GIMAP7: variants seen among roughly 807,000 people sequenced by gnomAD.
GIMAP7 encodes the protein GTPase, IMAP family member 7, also known as GTPase IMAP family member 7.
For missense variants in GIMAP7, 323 were observed against 359.7 expected (o/e 0.90, Z 0.83); for synonymous variants, 137 against 129.3 (o/e 1.06, Z -0.40).
chr7:150,518,309 G>T (rs1342559177), intron 1 of GIMAP7, among the ~76,000 whole-genome samples: 3 of 152,240 alleles, frequency 2.0e-5, no homozygotes, highest in African/African-American at 7.2e-5. Flanking sequence ...CACTAGTCAT[G>T]CAAGAAATTA....
rs145339506 is a variant in GIMAP7, at chr7:150,519,994, G to C, written c.20G>C (p.Arg7Pro). MAESED[R>P]SLRIVLVGKT... is the part of the protein sequence containing the mutation. ...GTGAGCATGGCTGAGAGTGAGGACC[G>C]CTCCCTGAGGATCGTTCTGGTAGGG... The change falls in exon 2 of 2, where the codon CGC (arginine) becomes CCC (proline). Residue 7 changes from arginine (R) to proline (P), a missense_variant. Transcript: ENST00000313543. 3.7e-6 allele frequency: 6 copies of C among 1,613,840 alleles called. No individual in the cohort carries two copies. In the African/African-American group the frequency reaches 8.0e-5, roughly 22 times the overall value.
chr7:150,519,980 T>C lies in GIMAP7; in HGVS notation c.6T>C (p.Ala2=), dbSNP rs752588717. The part of the protein sequence containing the change: M[A]ESEDRSLRIV... ...TAGAGCCTCCTGACGTGAGCATGGC[T>C]GAGAGTGAGGACCGCTCCCTGAGGA... The change falls in exon 2 of 2, where the codon GCT becomes GCC. Residue 2 remains alanine (A), a synonymous_variant. Transcript: ENST00000313543. The C allele has an allele frequency of 6.2e-7, 1 of 1,613,824 alleles. No individual in the cohort carries two copies. Among genetic ancestry groups the C allele is most frequent in the Non-Finnish European group, 8.5e-7 (1 of 1,179,766 alleles).
At chr7:150,516,748 T>C (rs1209203820) in intron 1 of GIMAP7, among the ~76,000 whole-genome samples, 1 of 152,238 alleles carries the variant, frequency 6.6e-6, no homozygotes, top group Non-Finnish European at 1.5e-5. Context: ...CTGGGCAGTA[T>C]TCATACTGCT....
In GIMAP7 at chr7:150,521,003, G is replaced by T; in HGVS notation, c.*126G>T. Reference sequence around the variant, plus strand: ...ATAAAATATGTTTAATGTATATAATGTGATTTTTAAATATATATATATATA... The same window carrying T: ...ATAAAATATGTTTAATGTATATAATTTGATTTTTAAATATATATATATATA... On this transcript the variant is annotated 3_prime_UTR_variant, in exon 2 of 2. Transcript: ENST00000313543. The T allele has an allele frequency of 3.4e-6, 1 of 295,092 alleles. No individual in the cohort carries two copies. Among genetic ancestry groups the T allele is most frequent in the Non-Finnish European group, 5.4e-6 (1 of 184,674 alleles). 18.3% of individuals were successfully genotyped at this position (295,092 alleles called of 1,614,324 possible).
Position 150,521,062 on chromosome 7 carries a change from T to G in GIMAP7, c.*185T>G, listed in dbSNP as rs1795186365. On this transcript the variant is annotated 3_prime_UTR_variant, in exon 2 of 2. Coordinates refer to ENST00000313543, the MANE Select transcript of GIMAP7 (RefSeq NM_153236.4). Reference sequence around the variant, plus strand: ...TTGTGAAATAATGAAATAAAGGTAATTAACACATCTAGCACCTCTCGGTTA... The same window carrying G: ...TTGTGAAATAATGAAATAAAGGTAAGTAACACATCTAGCACCTCTCGGTTA... 4.7e-6 allele frequency: 1 copy of G among 214,768 alleles called. No homozygotes were observed. Among genetic ancestry groups the G allele is most frequent in the Non-Finnish European group, 8.6e-6 (1 of 115,726 alleles). 13.3% of individuals were successfully genotyped at this position (214,768 alleles called of 1,614,324 possible).
chr7:150,515,809 G>C (rs1331700221), intron 1 of GIMAP7, among the ~76,000 whole-genome samples: 1 of 152,140 alleles, frequency 6.6e-6, no homozygotes, highest in Non-Finnish European at 1.5e-5. Context: ...ATATGAGAGA[G>C]ATGGAAAAGT....
intron 1 of GIMAP7, among the ~76,000 whole-genome samples, chr7:150,519,156 CCT>C (rs1437545719): frequency 6.6e-6 from 1 of 152,050 alleles, no homozygotes; most frequent in Non-Finnish European, 1.5e-5. Context: ...CTAGTCTTCC[CCT>C]GTTCTTCTTT....
intron 1 of GIMAP7, among the ~76,000 whole-genome samples, chr7:150,516,802 A>T (rs1008890948): frequency 1.3e-5 from 2 of 152,120 alleles, no homozygotes; most frequent in Non-Finnish European, 2.9e-5. Flanking sequence ...TTCTAGCTCC[A>T]GTGTTTTGTG....
intron 1 of GIMAP7, among the ~76,000 whole-genome samples, chr7:150,517,157 T>C (rs1206808651): frequency 6.6e-6 from 1 of 152,190 alleles, no homozygotes; most frequent in Non-Finnish European, 1.5e-5. Flanking sequence ...GTTGTCAATG[T>C]TCAGAATGAT....
chr7:150,520,083 A>G lies in GIMAP7; in HGVS notation c.109A>G (p.Arg37Gly), dbSNP rs536471579. 1.9e-6 allele frequency: 3 copies of G among 1,614,194 alleles called. No individual in the cohort carries two copies. In the African/African-American group the frequency reaches 4.0e-5, roughly 22 times the overall value. ...TILGEEIFDS[R>G]IAAQAVTKNC... ...CCTTGGAGAGGAAATCTTTGATTCT[A>G]GAATTGCTGCCCAAGCTGTTACCAA... Residue 37 changes from arginine to glycine, a missense_variant, in exon 2 of 2, where the codon AGA (arginine) becomes GGA (glycine). By Grantham distance (125) the Arg-to-Gly change is moderately radical. Coordinates refer to ENST00000313543, the MANE Select transcript of GIMAP7 (RefSeq NM_153236.4).
Position 150,520,186 on chromosome 7 carries a change from A to G in GIMAP7, c.212A>G (p.Lys71Arg). ...VVDTPGLFDTKESLDTTCKEI... is the reference protein window; with the variant it reads ...VVDTPGLFDTRESLDTTCKEI... ...GACACTCCAGGGCTCTTTGACACCA[A>G]GGAGAGCCTGGACACCACCTGCAAG... The change falls in exon 2 of 2, where the codon AAG becomes AGG. Residue 71 changes from lysine (K) to arginine (R), a missense_variant. By Grantham distance (26) the Lys-to-Arg change is conservative (BLOSUM62 2). Coordinates refer to ENST00000313543, the MANE Select transcript of GIMAP7 (RefSeq NM_153236.4). The G allele has an allele frequency of 2.5e-6, 4 of 1,614,138 alleles. No homozygotes were observed. Among genetic ancestry groups the G allele is most frequent in the Non-Finnish European group, 3.4e-6 (4 of 1,179,982 alleles).
chr7:150,518,771 A>G (rs1467975618), intron 1 of GIMAP7, among the ~76,000 whole-genome samples: 1 of 152,102 alleles, frequency 6.6e-6, no homozygotes, highest in Non-Finnish European at 1.5e-5. Flanking sequence ...CCCCACTCCC[A>G]GGTTACAAAA....
At chr7:150,515,517 C>T (rs772069896) in intron 1 of GIMAP7, among the ~76,000 whole-genome samples, 1 of 152,170 alleles carries the variant, frequency 6.6e-6, no homozygotes, top group Non-Finnish European at 1.5e-5. Context: ...TTATAGAAAT[C>T]ACTCTATGAA....
Position 150,520,237 on chromosome 7 carries a change from C to G in GIMAP7, c.263C>G (p.Ser88Cys). The G allele has an allele frequency of 6.2e-7, 1 of 1,614,176 alleles. No individual in the cohort carries two copies. Among genetic ancestry groups the G allele is most frequent in the Admixed American group, 1.7e-5 (1 of 60,022 alleles). Residue 88 changes from serine (S) to cysteine (C), a missense_variant, in exon 2 of 2, where the codon TCC (serine) becomes TGC (cysteine). Transcript: ENST00000313543. The stretch of plus-strand genomic sequence containing the variant: ...GAAATCAGCCGCTGCATCATCTCCT[C>G]CTGCCCAGGGCCCCATGCTATTGTC... ...CKEISRCIIS[S>C]CPGPHAIVLV...
At position 150,520,395 on chromosome 7, in the gene GIMAP7, A is replaced by C. The variant is rs916753968; in HGVS notation, c.421A>C (p.Ser141Arg). The C allele has an allele frequency of 3.1e-6, 5 of 1,614,086 alleles. No homozygotes were observed. The highest frequency in any genetic ancestry group is 4.2e-6 in the Non-Finnish European group (5 of 1,180,050). The change falls in exon 2 of 2, where the codon AGC (serine) becomes CGC (arginine). Residue 141 changes from serine to arginine, a missense_variant. Physicochemically the swap from Ser to Arg is moderately radical, Grantham distance 110 (BLOSUM62 -1). Transcript: ENST00000313543. ...FTRKEELEGQ[S>R]FHDFIADADV... ...TCGCAAAGAAGAGTTGGAGGGCCAG[A>C]GCTTCCATGACTTCATAGCAGATGC...
chr7:150,516,828 G>A (rs1795141112), intron 1 of GIMAP7, among the ~76,000 whole-genome samples: 1 of 152,164 alleles, frequency 6.6e-6, no homozygotes, highest in Admixed American at 6.5e-5. Context: ...TTATATGAAT[G>A]GGGAGGTTGG....
In GIMAP7 at chr7:150,520,797, G is replaced by A. The variant is rs201757172; in HGVS notation, c.823G>A (p.Asp275Asn). ...AGAAGCTGAGAGAAATATATTTAAA[G>A]ATGTTTTTAATAGGATTTGGAAGAT... is the stretch of plus-strand genomic sequence containing the variant. ...REEAERNIFK[D>N]VFNRIWKMLS... The change falls in exon 2 of 2, where the codon GAT (aspartate) becomes AAT (asparagine). Residue 275 changes from aspartate to asparagine, a missense_variant. Asp to Asn is a conservative substitution (Grantham distance 23). Coordinates refer to ENST00000313543, the MANE Select transcript of GIMAP7 (RefSeq NM_153236.4). 6.6e-7 allele frequency: 1 copy of A among 1,519,358 alleles called. No homozygotes were observed. 94.1% of individuals were successfully genotyped at this position (1,519,358 alleles called of 1,614,324 possible).
intron 1 of GIMAP7, among the ~76,000 whole-genome samples, chr7:150,518,125 T>G (rs1182561938): frequency 2.0e-5 from 3 of 152,180 alleles, no homozygotes; most frequent in Non-Finnish European, 4.4e-5. Context: ...GAATATTCCT[T>G]AGTTTATTCA....
At chr7:150,516,617 T>C (rs73726886) in intron 1 of GIMAP7, among the ~76,000 whole-genome samples, 193 of 152,370 alleles carry the variant, frequency 1.3e-3, no homozygotes, top group African/African-American at 4.3e-3. Context: ...TAAGTAAAAT[T>C]CATACATTAC....
Sources: allele counts gnomAD v4.1 joint callset (sites outside exome capture counted in the v4.1 genomes callset), GRCh38; gene constraint gnomAD v4.1.1; transcripts MANE v1.5; gene names NCBI Gene and HGNC (gene_info 2026-07-23, HGNC 2026-07-21).